The following MCM3AP variants were observed in gnomAD, a reference collection of about 807,000 sequenced individuals.
MCM3AP encodes germinal-center associated nuclear protein.
A neutral mutation model predicts 184.1 loss-of-function variants in MCM3AP; 126 were observed. The observed-to-expected ratio is 0.68, with a 90% CI of 0.59 to 0.79. MCM3AP has a LOEUF of 0.79. Among genes scored for constraint, MCM3AP ranks in the 30% least tolerant of loss-of-function variants. The pLI, the probability that MCM3AP is intolerant of heterozygous loss-of-function variation, is 0.00. For synonymous variants in MCM3AP, 1,002 were observed against 979.3 expected, an observed-to-expected ratio of 1.02 and a Z score of -0.43; for missense variants, 2,496 against 2,479.2, an observed-to-expected ratio of 1.01 and a Z score of -0.14.
At chr21:46,247,481 A>ATTCAAGCAATTCTCCTGCCTCACCCTCCC (rs6147543) in intron 20 of MCM3AP, among the ~76,000 whole-genome samples, 149,716 of 149,732 alleles carry the variant, frequency 1, 74,851 homozygotes, top group Middle Eastern at 1. Context: ...TGCCTCCTGG[A>ATTCAAGCAATTCTCCTGCCTCACCCTCCC]TAGTAGCTGG....
At chr21:46,251,875 CTCGTTCTTT>C (rs943246864) in intron 19 of MCM3AP, 193 bp from the exon 20 acceptor site, 1 of 271,956 alleles carries the variant, frequency 3.7e-6, no homozygotes, top group Non-Finnish European at 6.8e-6. Flanking sequence ...ACGATCTGTA[CTCGTTCTTT>C]TTTTTTTTTT....
intron 27 of MCM3AP, 64 bp downstream of exon 27, chr21:46,236,765 T>C (rs1004615292): frequency 1.7e-6 from 2 of 1,143,486 alleles, no homozygotes; most frequent in East Asian, 2.8e-5. Context: ...TATTACTTTT[T>C]TCCCCAGCCA....
At chr21:46,271,031 T>C (rs1601532770) in intron 8 of MCM3AP, among the ~76,000 whole-genome samples, 1 of 152,210 alleles carries the variant, frequency 6.6e-6, no homozygotes, top group Non-Finnish European at 1.5e-5. Flanking sequence ...TGCTGGATGG[T>C]AAAGTCTAAA....
rs186091216 is a variant in MCM3AP at position 46,277,558 on chromosome 21, C to G, written c.1827G>C (p.Leu609=). The G allele has an allele frequency of 6.3e-7, 1 of 1,595,570 alleles. No homozygotes were observed. Among genetic ancestry groups the G allele is most frequent in the Non-Finnish European group, 8.5e-7 (1 of 1,171,654 alleles). ...GCATGATCCTGTCTCTCTGGTCAAG[C>G]AGGCGGTACTTCTCCTTGGATGTCT... ...VAETSKEKYR[L]LDQRDRIMRQ... Residue 609 remains leucine, a synonymous_variant, in exon 5 of 28, where the codon CTG becomes CTC. Coordinates refer to ENST00000291688, the MANE Select transcript of MCM3AP (RefSeq NM_003906.5).
intron 6 of MCM3AP, among the ~76,000 whole-genome samples, chr21:46,274,855 C>T (rs550404147): frequency 6.7e-6 from 1 of 150,326 alleles, no homozygotes; most frequent in South Asian, 2.1e-4. Flanking sequence ...GAGAGGATCA[C>T]CTGAGCCTGG....
chr21:46,262,476 C>T (rs2081052637), intron 13 of MCM3AP, among the ~76,000 whole-genome samples: 1 of 151,882 alleles, frequency 6.6e-6, no homozygotes, highest in Non-Finnish European at 1.5e-5. Flanking sequence ...AGAGAGACCC[C>T]ATCTCTACAA....
At chr21:46,254,166 G>C in intron 19 of MCM3AP, 1 of 576,978 alleles carries the variant, frequency 1.7e-6, no homozygotes, top group Admixed American at 3.1e-5. Context: ...AAAGCAGTGT[G>C]AGAACGGACT....
rs2081122244 is a variant in MCM3AP at position 46,267,072 on chromosome 21, G to A, written c.2699C>T (p.Pro900Leu). The A allele has an allele frequency of 5.6e-6, 9 of 1,614,044 alleles. No homozygotes were observed. Among genetic ancestry groups the A allele is most frequent in the Non-Finnish European group, 6.8e-6 (8 of 1,179,910 alleles). The change falls in exon 10 of 28, where the codon CCC becomes CTC. Residue 900 changes from proline to leucine, a missense_variant. Transcript: ENST00000291688. ...CAGCATGCGCACCACACCATCCAGGGGAAAGATGGTAGATCGCTGTGTGCT... is the reference window on the plus strand; with the variant it reads ...CAGCATGCGCACCACACCATCCAGGAGAAAGATGGTAGATCGCTGTGTGCT... ...TVSTQRSTIF[P>L]LDGVVRMLLF...
chr21:46,240,895 T>G lies in MCM3AP; in HGVS notation c.5549A>C (p.Asp1850Ala). 1 of 1,614,192 alleles carries G rather than the reference T, an allele frequency of 6.2e-7. No individual in the cohort carries two copies. The highest frequency in any genetic ancestry group is 1.1e-5 in the South Asian group (1 of 91,086). ...CTCAGCAGAAGCTCCTCGCATCAGA[T>G]CCTCTGTGCTGGGAATCCTCCCCTC... ...AQEGRIPSTEDLMRGASAEEL... is the reference protein window; with the variant it reads ...AQEGRIPSTEALMRGASAEEL... Residue 1850 changes from aspartate to alanine, a missense_variant, in exon 26 of 28, where the codon GAT (aspartate) becomes GCT (alanine). By Grantham distance (126) the Asp-to-Ala change is moderately radical (BLOSUM62 -2). Transcript: ENST00000291688.
chr21:46,272,928 T>C (rs111371442), intron 7 of MCM3AP, 99 bp from the exon 8 acceptor site: 4 of 1,194,994 alleles, frequency 3.3e-6, no homozygotes, highest in Non-Finnish European at 3.5e-6. Flanking sequence ...ACTTTTCAAT[T>C]TGAAACAAAG....
chr21:46,245,040 G>C lies in MCM3AP; in HGVS notation c.4805C>G (p.Ser1602Cys). Reference protein sequence around the residue: ...RRERRLGGLASQEPGAIIELF... With the variant: ...RRERRLGGLACQEPGAIIELF... ...CTCAATGATGGCGCCAGGCTCCTGA[G>C]AAGCAAGACCGCCCAGACGCCTCTC... is the stretch of plus-strand genomic sequence containing the variant. The change falls in exon 23 of 28, where the codon TCT becomes TGT. Residue 1602 changes from serine to cysteine, a missense_variant. Ser to Cys is a moderately radical substitution (Grantham distance 112). Coordinates refer to ENST00000291688, the MANE Select transcript of MCM3AP (RefSeq NM_003906.5). 1 of 1,614,232 alleles carries C rather than the reference G, an allele frequency of 6.2e-7. No individual in the cohort carries two copies. The highest frequency in any genetic ancestry group is 1.1e-5 in the South Asian group (1 of 91,086).
rs1569048156 is a variant in MCM3AP at position 46,238,553 on chromosome 21, C to T, written c.5634-1574G>A. On this transcript the variant is annotated intron_variant, in intron 26 of 27. Transcript: ENST00000291688. ...TGAAACTGCGTCTCTACTAAAAATA[C>T]AAAAATCAGCCAGGCATGGTGATGG... Among the ~76,000 whole-genome samples the T allele has an allele frequency of 1.7e-5, 2 of 119,618 alleles. 1 individual carries two copies. The highest frequency in any genetic ancestry group is 4.5e-4 in the East Asian group (2 of 4,488). 78.5% of individuals were successfully genotyped at this position (119,618 alleles called of 152,430 possible).
At chr21:46,246,257 G>T in intron 22 of MCM3AP, 50 bp downstream of exon 22, 2 of 1,177,834 alleles carry the variant, frequency 1.7e-6, no homozygotes, top group South Asian at 1.2e-5. Flanking sequence ...ACAGCAAAAG[G>T]GGAAAAAACA....
intron 16 of MCM3AP, among the ~76,000 whole-genome samples, chr21:46,257,459 A>G: frequency 8.3e-6 from 1 of 119,906 alleles, no homozygotes; most frequent in African/African-American, 3.4e-5. Context: ...TGTGTGTACC[A>G]GCAAGGCTCC....
chr21:46,262,025 G>A (rs17176534), intron 13 of MCM3AP, among the ~76,000 whole-genome samples: 6,912 of 152,212 alleles, frequency 0.045, 221 homozygotes, highest in Non-Finnish European at 0.068. Context: ...GGTTCCAAGC[G>A]TTTTGAAGAA....
rs151030214 is a variant in MCM3AP, at chr21:46,254,511, C to T, written c.4017G>A (p.Ala1339=). ...YQQLLSDVAW[A]SLDLPSLVAE... The stretch of plus-strand genomic sequence containing the variant: ...CCACGAGGGATGGCAGGTCCAGAGA[C>T]GCCCATGCCACATCACTGGGAGGAA... Residue 1339 remains alanine, a synonymous_variant, in exon 19 of 28, where the codon GCG becomes GCA. Transcript: ENST00000291688. The T allele has an allele frequency of 2.7e-4, 430 of 1,614,084 alleles. No individual in the cohort carries two copies. The African/African-American group carries it at 4.6e-3, about 17-fold the overall frequency.
At chr21:46,251,221 T>G (rs2080862283) in intron 20 of MCM3AP, 1 of 201,932 alleles carries the variant, frequency 5.0e-6, no homozygotes, top group Admixed American at 5.8e-5. Flanking sequence ...ATCATCTTTA[T>G]ACTTCTTTTA....
chr21:46,283,859 C>T (rs1343627494), intron 1 of MCM3AP, 21 bp from the exon 2 acceptor site: 4 of 1,595,164 alleles, frequency 2.5e-6, no homozygotes, highest in Admixed American at 3.4e-5. Flanking sequence ...AGAGAATGGA[C>T]ACTTAAACCA....
At chr21:46,256,518 AT>A in intron 17 of MCM3AP, 1 of 507,608 alleles carries the variant, frequency 2.0e-6, no homozygotes, top group Non-Finnish European at 3.5e-6. Context: ...AGAACACGTG[AT>A]GCAGAGTCAG....
Sources: gnomAD v4.1 joint callset for allele counts (sites outside exome capture counted in the v4.1 genomes callset) on GRCh38, gnomAD v4.1.1 for gene constraint, MANE v1.5 for transcripts, NCBI Gene and HGNC (gene_info 2026-07-23, HGNC 2026-07-21) for gene names.